MACROD2: variants seen among roughly 807,000 people sequenced by gnomAD.
MACROD2 encodes the protein mono-ADP ribosylhydrolase 2.
MACROD2 carries 36 observed loss-of-function variants against 70.4 expected under a neutral mutation model. The observed-to-expected ratio is 0.51, with a 90% CI of 0.39 to 0.68. The LOEUF (loss-of-function observed/expected upper bound fraction) is 0.68, where lower values mean the gene tolerates loss of function less well. Ranked by LOEUF, MACROD2 falls within the 30% of genes least tolerant of loss-of-function variation. The probability of loss-of-function intolerance (pLI) is 0.00; values close to 1 mark genes in which losing one functional copy is unlikely to be tolerated. For missense variants in MACROD2, 496 were observed against 538.4 expected (o/e 0.92, Z 0.78); for synonymous variants, 172 against 178.8 (o/e 0.96, Z 0.30).
intron 10 of MACROD2, among the ~76,000 whole-genome samples, chr20:15,913,997 A>G (rs1053605912): frequency 3.9e-5 from 6 of 152,340 alleles, no homozygotes; most frequent in Admixed American, 1.3e-4. Context: ...CTGTGTGTGC[A>G]TGGAGGGGGC....
chr20:14,002,192 T>C (rs2052741023), intron 1 of MACROD2, 96 bp from the exon 2 acceptor site: 1 of 694,538 alleles, frequency 1.4e-6, no homozygotes, highest in Non-Finnish European at 2.3e-6. Context: ...GTATCAACTC[T>C]TTTGTTAGCT....
chr20:14,890,029 T>C (rs1038282064), intron 5 of MACROD2, among the ~76,000 whole-genome samples: 2 of 152,084 alleles, frequency 1.3e-5, no homozygotes, highest in African/African-American at 2.4e-5. Context: ...ATTTTGAAGA[T>C]AGAACCAACA....
intron 7 of MACROD2, among the ~76,000 whole-genome samples, chr20:15,458,627 G>GT (rs1195911390): frequency 2.2e-3 from 241 of 108,928 alleles, no homozygotes; most frequent in Middle Eastern, 0.011. Flanking sequence ...TTGTTTTTTT[G>GT]TTTTTTTTTT....
intron 3 of MACROD2, among the ~76,000 whole-genome samples, chr20:14,241,435 G>T (rs552034259): frequency 1.3e-5 from 2 of 152,184 alleles, no homozygotes; most frequent in African/African-American, 2.4e-5. Context: ...ATGAACCACT[G>T]CTGGGAATTC....
At chr20:14,078,320 T>C (rs968583625) in intron 2 of MACROD2, among the ~76,000 whole-genome samples, 2 of 152,230 alleles carry the variant, frequency 1.3e-5, no homozygotes, top group Non-Finnish European at 2.9e-5. Context: ...AACTATTGTT[T>C]CATAGTTATC....
chr20:15,014,166 C>G (rs560297102), intron 5 of MACROD2, among the ~76,000 whole-genome samples: 62 of 152,278 alleles, frequency 4.1e-4, no homozygotes, highest in African/African-American at 1.4e-3. Flanking sequence ...TACTTTCCCC[C>G]TGGTTGTCTG....
chr20:14,011,231 T>A (rs1335002049), intron 2 of MACROD2, among the ~76,000 whole-genome samples: 1 of 152,176 alleles, frequency 6.6e-6, no homozygotes, highest in Non-Finnish European at 1.5e-5. Flanking sequence ...GCAAGGTGCT[T>A]CCTGATAGGA....
chr20:14,091,563 T>C (rs946838193), intron 3 of MACROD2, among the ~76,000 whole-genome samples: 14 of 152,002 alleles, frequency 9.2e-5, no homozygotes, highest in African/African-American at 3.4e-4. Flanking sequence ...CCACACTGTG[T>C]ATATATATAT....
At chr20:15,466,782 A>C (rs1333848877) in intron 7 of MACROD2, among the ~76,000 whole-genome samples, 2 of 152,318 alleles carry the variant, frequency 1.3e-5, no homozygotes, top group South Asian at 2.1e-4. Flanking sequence ...GCAGCCCTCC[A>C]AAATTATTTT....
At chr20:15,573,252 C>T (rs2048399231) in intron 8 of MACROD2, among the ~76,000 whole-genome samples, 1 of 152,040 alleles carries the variant, frequency 6.6e-6, no homozygotes, top group South Asian at 2.1e-4. Context: ...TATATGCCTT[C>T]ACATGCCAAA....
At chr20:15,808,533 T>C (rs1007740448) in intron 8 of MACROD2, among the ~76,000 whole-genome samples, 1 of 152,208 alleles carries the variant, frequency 6.6e-6, no homozygotes, top group African/African-American at 2.4e-5. Flanking sequence ...AAAATTCATA[T>C]ATTTCAACTT....
intron 5 of MACROD2, among the ~76,000 whole-genome samples, chr20:14,803,681 A>G (rs937857914): frequency 6.6e-6 from 1 of 151,952 alleles, no homozygotes; most frequent in Non-Finnish European, 1.5e-5. Flanking sequence ...GGGTTTCACT[A>G]CATTGACCAG....
At chr20:15,425,219 A>G (rs1335209455) in intron 6 of MACROD2, among the ~76,000 whole-genome samples, 1 of 152,222 alleles carries the variant, frequency 6.6e-6, no homozygotes, top group African/African-American at 2.4e-5. Context: ...TGGATCCTGA[A>G]TGTGAGGAAG....
At chr20:14,450,246 A>G (rs973789664) in intron 3 of MACROD2, among the ~76,000 whole-genome samples, 1 of 152,258 alleles carries the variant, frequency 6.6e-6, no homozygotes, top group African/African-American at 2.4e-5. Flanking sequence ...CACCACTGCA[A>G]CTGTTTGCTT....
intron 6 of MACROD2, among the ~76,000 whole-genome samples, chr20:15,241,452 T>C (rs1314207022): frequency 1.3e-5 from 2 of 152,196 alleles, no homozygotes; most frequent in Non-Finnish European, 2.9e-5. Flanking sequence ...TTGTGATTTC[T>C]GAATCTTTAA....
intron 5 of MACROD2, among the ~76,000 whole-genome samples, chr20:14,938,001 A>C (rs1012985780): frequency 5.1e-5 from 5 of 98,982 alleles, no homozygotes; most frequent in Non-Finnish European, 9.8e-5. Context: ...TGCAGATAAC[A>C]AGTTTTTTTT....
chr20:14,857,109 G>A (rs2073263027), intron 5 of MACROD2, among the ~76,000 whole-genome samples: 1 of 152,134 alleles, frequency 6.6e-6, no homozygotes, highest in African/African-American at 2.4e-5. Context: ...GATTCATCCA[G>A]TGGAATATCT....
At chr20:15,117,387 G>A (rs1178218019) in intron 5 of MACROD2, among the ~76,000 whole-genome samples, 2 of 151,946 alleles carry the variant, frequency 1.3e-5, no homozygotes, top group African/African-American at 4.8e-5. Context: ...TGTTTTTATG[G>A]TGTTTCCTTC....
intron 8 of MACROD2, among the ~76,000 whole-genome samples, chr20:15,625,248 A>G (rs1169093198): frequency 6.6e-6 from 1 of 152,114 alleles, no homozygotes; most frequent in Non-Finnish European, 1.5e-5. Context: ...GAAGACCACA[A>G]GTGACTATAA....
Sources: gnomAD v4.1 joint callset for allele counts (sites outside exome capture counted in the v4.1 genomes callset) on GRCh38, gnomAD v4.1.1 for gene constraint, MANE v1.5 for transcripts, NCBI Gene and HGNC (gene_info 2026-07-23, HGNC 2026-07-21) for gene names.